The following PIK3C2G variants were observed in gnomAD, a reference collection of about 807,000 sequenced individuals.
PIK3C2G encodes phosphatidylinositol 3-kinase C2 domain-containing subunit gamma.
A neutral mutation model predicts 181.1 loss-of-function variants in PIK3C2G; 168 were observed. The ratio of observed to expected loss-of-function variants is 0.93; its 90% CI spans 0.82 to 1.05. The LOEUF is 1.05. Among genes scored for constraint, PIK3C2G ranks in the 50% least tolerant of loss-of-function variants. PIK3C2G has a pLI of 0.00. For missense variants in PIK3C2G, 1,869 were observed against 1,732.8 expected, an observed-to-expected ratio of 1.08 and a Z score of -1.40; for synonymous variants, 573 against 592.2, an observed-to-expected ratio of 0.97 and a Z score of 0.47.
intron 18 of PIK3C2G, among the ~76,000 whole-genome samples, chr12:18,437,571 T>C (rs1399494981): frequency 1.3e-5 from 2 of 151,980 alleles, no homozygotes; most frequent in African/African-American, 2.4e-5. Context: ...TTATCTGAAG[T>C]TGTTAAAGGG....
intron 29 of PIK3C2G, among the ~76,000 whole-genome samples, chr12:18,570,872 C>G (rs1185011500): frequency 1.3e-5 from 2 of 150,816 alleles, no homozygotes; most frequent in Non-Finnish European, 2.9e-5. Context: ...GAACCGAAAA[C>G]TGTCAAAGAT....
intron 9 of PIK3C2G, among the ~76,000 whole-genome samples, chr12:18,341,344 A>T (rs1461273578): frequency 6.6e-6 from 1 of 152,138 alleles, no homozygotes; most frequent in Non-Finnish European, 1.5e-5. Flanking sequence ...TCATCTTCAC[A>T]TTTCACTTTC....
intron 15 of PIK3C2G, among the ~76,000 whole-genome samples, chr12:18,392,341 G>C (rs1943587851): frequency 6.6e-6 from 1 of 152,070 alleles, no homozygotes; most frequent in African/African-American, 2.4e-5. Context: ...AGGGCACTGA[G>C]TGCGATCAGG....
At chr12:18,696,062 A>C in the PIK3C2G span, 1 of 705,908 alleles carries the variant, frequency 1.4e-6, no homozygotes, top group Non-Finnish European at 2.4e-6. Context: ...TTTTACAGAA[A>C]GCCCTTTTCA....
At chr12:18,714,590 A>T in the PIK3C2G span, 1 of 152,184 alleles carries the variant, frequency 6.6e-6, no homozygotes, top group African/African-American at 2.4e-5. Flanking sequence ...GAAAGAGGTT[A>T]AAAAAGCTCC....
intron 32 of PIK3C2G, among the ~76,000 whole-genome samples, chr12:18,646,648 T>C (rs1210736734): frequency 6.6e-6 from 1 of 152,142 alleles, no homozygotes; most frequent in Non-Finnish European, 1.5e-5. Flanking sequence ...TTGGCATATA[T>C]TGAGAAAGTT....
chr12:18,719,090 G>C, the PIK3C2G span, among the ~76,000 whole-genome samples: 1 of 152,134 alleles, frequency 6.6e-6, no homozygotes, highest in Non-Finnish European at 1.5e-5. Flanking sequence ...TAAAATAGAG[G>C]ATCTTCTGAC....
chr12:18,314,722 A>T (rs561929895), intron 6 of PIK3C2G: 1 of 152,246 alleles, frequency 6.6e-6, no homozygotes, highest in Admixed American at 6.5e-5. Context: ...TTCAAAAATC[A>T]TCTGTGAGAC....
chr12:18,461,243 CTATA>C (rs1947905529), intron 18 of PIK3C2G, among the ~76,000 whole-genome samples: 1 of 152,022 alleles, frequency 6.6e-6, no homozygotes, highest in African/African-American at 2.4e-5. Context: ...CTTACCAGTA[CTATA>C]TAGTTAGTTA....
At chr12:18,472,480 T>G (rs1235204686) in intron 18 of PIK3C2G, among the ~76,000 whole-genome samples, 1 of 152,158 alleles carries the variant, frequency 6.6e-6, no homozygotes, top group East Asian at 1.9e-4. Flanking sequence ...AACTATAATG[T>G]AAGCTCTGTG....
Position 18,503,325 on chromosome 12 carries a change from C to A in PIK3C2G, c.3061C>A (p.His1021Asn). The A allele has an allele frequency of 1.9e-6, 3 of 1,611,624 alleles. No individual in the cohort carries two copies. The highest frequency in any genetic ancestry group is 2.5e-6 in the Non-Finnish European group (3 of 1,178,340). ...VPDAVTLAKI[H>N]RHSGLIGPLK... ...TGATGCTGTGACCCTAGCAAAGATTCATCGCCATTCTGGACTGATAGGACC... is the reference window on the plus strand; with the variant it reads ...TGATGCTGTGACCCTAGCAAAGATTAATCGCCATTCTGGACTGATAGGACC... The change falls in exon 23 of 33, where the codon CAT becomes AAT. Residue 1021 changes from histidine (H) to asparagine (N), a missense_variant. Physicochemically the swap from His to Asn is moderately conservative, Grantham distance 68. Transcript: ENST00000538779.
At chr12:18,572,027 C>T (rs1489507861) in intron 29 of PIK3C2G, among the ~76,000 whole-genome samples, 1 of 150,076 alleles carries the variant, frequency 6.7e-6, no homozygotes, top group African/African-American at 2.5e-5. Context: ...TTACCATAGA[C>T]ATTAAACTAT....
rs540756863 is a variant in PIK3C2G, at chr12:18,637,737, T to G, written c.4183-2692T>G. 3.3e-3 allele frequency among the ~76,000 whole-genome samples: 509 copies of G among 152,356 alleles called. 1 individual carries two copies. The highest frequency in any genetic ancestry group is 0.011 in the African/African-American group (475 of 41,592). ...GGATGCTGGGCCTCCCCTCACAAAT[T>G]TATTTCTCACAGTGTTGTTGAAAAT... On this transcript the variant is annotated intron_variant, in intron 31 of 32. Coordinates refer to ENST00000538779, the MANE Select transcript of PIK3C2G (RefSeq NM_001288772.2).
In PIK3C2G at chr12:18,421,018, T is replaced by TCCCACAGCTAGTTCTTA; in HGVS notation, c.2407_2408insTTACCCACAGCTAGTTC (p.Gln803LeufsTer5). The TCCCACAGCTAGTTCTTA allele has an allele frequency of 1.3e-6, 2 of 1,581,202 alleles. No individual in the cohort carries two copies. Among genetic ancestry groups the TCCCACAGCTAGTTCTTA allele is most frequent in the Non-Finnish European group, 1.7e-6 (2 of 1,150,512 alleles). On this transcript the variant is annotated frameshift_variant, in exon 17 of 33. Transcript: ENST00000538779. LOFTEE classifies it high-confidence loss of function. The stretch of plus-strand genomic sequence containing the variant: ...TTGAATGATGAACTACTGGAATATC[T>TCCCACAGCTAGTTCTTA]CCCACAGCTAGTTCAGGTAAGAATA...
intron 24 of PIK3C2G, among the ~76,000 whole-genome samples, chr12:18,534,496 A>C (rs980034452): frequency 1.3e-5 from 2 of 152,138 alleles, no homozygotes; most frequent in African/African-American, 4.8e-5. Flanking sequence ...CGTTACAAAT[A>C]TGTTTGTACT....
intron 13 of PIK3C2G, among the ~76,000 whole-genome samples, chr12:18,376,325 C>T (rs1023201676): frequency 5.3e-5 from 8 of 152,202 alleles, no homozygotes; most frequent in African/African-American, 1.9e-4. Flanking sequence ...ATGACTGCCC[C>T]GCTGGGTTTC....
At chr12:18,690,528 A>G in the PIK3C2G span, among the ~76,000 whole-genome samples, 1 of 152,136 alleles carries the variant, frequency 6.6e-6, no homozygotes, top group African/African-American at 2.4e-5. Context: ...CCCAGCCCAC[A>G]TCTCTTATCC....
At chr12:18,706,640 A>G in the PIK3C2G span, among the ~76,000 whole-genome samples, 2 of 152,084 alleles carry the variant, frequency 1.3e-5, no homozygotes, top group African/African-American at 4.8e-5. Flanking sequence ...CTTATTTACA[A>G]TTTTTTTCTT....
At chr12:18,309,559 T>C (rs1340856832) in intron 5 of PIK3C2G, among the ~76,000 whole-genome samples, 49 of 151,794 alleles carry the variant, frequency 3.2e-4, no homozygotes, top group Non-Finnish European at 1.5e-5. Context: ...TACTTCTTTA[T>C]TTTGCCACTC....
Sources: gnomAD v4.1 joint callset for allele counts (sites outside exome capture counted in the v4.1 genomes callset) on GRCh38, gnomAD v4.1.1 for gene constraint, MANE v1.5 for transcripts, NCBI Gene and HGNC (gene_info 2026-07-23, HGNC 2026-07-21) for gene names.